Variants in ZNF90 observed in about 807,000 individuals in gnomAD.
ZNF90 encodes zinc finger protein 90, also known as zinc finger protein HTF9.
In ZNF90, 11 loss-of-function variants were observed where a neutral mutation model predicts 12.0. The observed-to-expected ratio is 0.92, with a 90% CI of 0.58 to 1.52. ZNF90 has a LOEUF of 1.52. ZNF90 is among the 40% of genes most tolerant of loss of function. The pLI, the probability that ZNF90 is intolerant of heterozygous loss-of-function variation, is 0.00. For missense variants in ZNF90, 765 were observed against 711.5 expected (o/e 1.08, Z -0.86); for synonymous variants, 232 against 240.1 (o/e 0.97, Z 0.31).
chr19:20,079,446 A>G (rs1429350108), intron 1 of ZNF90, among the ~76,000 whole-genome samples: 1 of 152,014 alleles, frequency 6.6e-6, no homozygotes, highest in Non-Finnish European at 1.5e-5. Flanking sequence ...AAAACGTTAG[A>G]TTTATGGAAA....
intron 1 of ZNF90, among the ~76,000 whole-genome samples, chr19:20,083,406 C>T (rs2088835753): frequency 6.6e-6 from 1 of 151,988 alleles, no homozygotes; most frequent in Non-Finnish European, 1.5e-5. Context: ...CGGCTCATTG[C>T]AACCTTTGAC....
At chr19:20,110,342 G>A (rs181408558) in intron 3 of ZNF90, among the ~76,000 whole-genome samples, 27 of 152,032 alleles carry the variant, frequency 1.8e-4, no homozygotes, top group African/African-American at 5.8e-4. Flanking sequence ...GCAGTGGTGT[G>A]ATCTTGGCTC....
At chr19:20,087,206 A>G (rs2088866176) in intron 1 of ZNF90, 1 of 152,188 alleles carries the variant, frequency 6.6e-6, no homozygotes, top group Non-Finnish European at 1.5e-5. Context: ...GATTTCTTTT[A>G]GGGGAATATT....
intron 1 of ZNF90, 114 bp downstream of exon 1, chr19:20,078,249 A>G (rs1260925975): frequency 3.6e-6 from 5 of 1,393,526 alleles, no homozygotes; most frequent in Non-Finnish European, 5.0e-6. Flanking sequence ...TCTGCGACCG[A>G]CTTCTCCTTG....
chr19:20,103,196 A>T (rs2089004084), intron 1 of ZNF90, among the ~76,000 whole-genome samples: 1 of 152,228 alleles, frequency 6.6e-6, no homozygotes, highest in Non-Finnish European at 1.5e-5. Context: ...AATCCAACAG[A>T]GAAACAGGTG....
rs1555704366 is a variant in ZNF90 at position 20,106,044 on chromosome 19, C to CATTTT, written c.226+728_226+729insATTTT. 1.1e-3 allele frequency among the ~76,000 whole-genome samples: 75 copies of CATTTT among 71,060 alleles called. 4 individuals are homozygous for CATTTT. Among genetic ancestry groups the CATTTT allele is most frequent in the African/African-American group, 3.3e-3 (63 of 18,808 alleles). The allele number at this position is 71,060 out of a possible 152,430, so 46.6% of individuals were successfully genotyped here. On this transcript the variant is annotated intron_variant, in intron 3 of 3. Coordinates refer to ENST00000418063, the MANE Select transcript of ZNF90 (RefSeq NM_007138.2). ...TTATTTGGAACTTCTCTAATTTTTT[C>CATTTT]TTTTTTTTTTTTTTTTTTTTTTTGG...
chr19:20,078,672 A>T (rs2088796469), intron 1 of ZNF90, among the ~76,000 whole-genome samples: 1 of 151,152 alleles, frequency 6.6e-6, no homozygotes, highest in Non-Finnish European at 1.5e-5. Flanking sequence ...GTTGTAAATC[A>T]CCCCTACCCC....
rs1181389117 is a variant in ZNF90, at chr19:20,108,721, G to A, written c.226+3405G>A. On this transcript the variant is annotated intron_variant, in intron 3 of 3. Transcript: ENST00000418063. ...TTCTATATTAGTGTGTTTCTTCAGT[G>A]TAGGTTTCTCTTTTTTTTTTTTTTT... is the stretch of plus-strand genomic sequence containing the variant. Among the ~76,000 whole-genome samples the A allele has an allele frequency of 3.6e-5, 5 of 139,244 alleles. No homozygotes were observed. The East Asian group carries it at 6.6e-4, about 18-fold the overall frequency. The allele number at this position is 139,244 out of a possible 152,430, so 91.3% of individuals were successfully genotyped here.
chr19:20,093,524 G>T (rs1555702953), intron 1 of ZNF90, among the ~76,000 whole-genome samples: 2 of 152,206 alleles, frequency 1.3e-5, no homozygotes, highest in Non-Finnish European at 2.9e-5. Flanking sequence ...GAGAAGGGCG[G>T]CAATGAGATG....
intron 3 of ZNF90, chr19:20,107,103 T>C (rs2089046268): frequency 2.3e-6 from 1 of 428,942 alleles, no homozygotes; most frequent in Non-Finnish European, 4.7e-6. Context: ...TGTGGGTTTC[T>C]ATGTGGGCAG....
chr19:20,107,340 C>A (rs538974364), intron 3 of ZNF90, among the ~76,000 whole-genome samples: 27 of 152,272 alleles, frequency 1.8e-4, no homozygotes, highest in African/African-American at 6.3e-4. Context: ...GGTAAATAAA[C>A]CCGATCCTGG....
At chr19:20,083,789 T>G (rs2088838896) in intron 1 of ZNF90, among the ~76,000 whole-genome samples, 1 of 152,222 alleles carries the variant, frequency 6.6e-6, no homozygotes, top group African/African-American at 2.4e-5. Context: ...TACTTATTGT[T>G]CAGGCTAGAG....
chr19:20,084,063 A>ATTTTCT (rs1196076195), intron 1 of ZNF90, among the ~76,000 whole-genome samples: 1 of 11,416 alleles, frequency 8.8e-5, no homozygotes. Flanking sequence ...ACCATACCAT[A>ATTTTCT]TTTTCTTTTT....
chr19:20,109,143 AT>A (rs1555704754), intron 3 of ZNF90, among the ~76,000 whole-genome samples: 1 of 152,192 alleles, frequency 6.6e-6, no homozygotes, highest in Non-Finnish European at 1.5e-5. Flanking sequence ...TAAGAGATAA[AT>A]TATGCATCTC....
At chr19:20,102,918 A>G (rs2089001203) in intron 1 of ZNF90, among the ~76,000 whole-genome samples, 1 of 152,204 alleles carries the variant, frequency 6.6e-6, no homozygotes, top group African/African-American at 2.4e-5. Context: ...AAATTACAGA[A>G]CATAGGAGTT....
chr19:20,097,704 T>C (rs1171945845), intron 1 of ZNF90, among the ~76,000 whole-genome samples: 1 of 152,178 alleles, frequency 6.6e-6, no homozygotes, highest in Non-Finnish European at 1.5e-5. Flanking sequence ...TGAATCCAGG[T>C]CTTGAGATTT....
chr19:20,086,835 T>C (rs1334259967), intron 1 of ZNF90, among the ~76,000 whole-genome samples: 1 of 152,240 alleles, frequency 6.6e-6, no homozygotes, highest in African/African-American at 2.4e-5. Flanking sequence ...CAATAGGGAT[T>C]ATTATGAGTA....
chr19:20,080,710 A>G (rs532510166), intron 1 of ZNF90, among the ~76,000 whole-genome samples: 41 of 152,274 alleles, frequency 2.7e-4, no homozygotes, highest in Non-Finnish European at 4.6e-4. Context: ...ATTTTCAAAC[A>G]ATAGGTGAGA....
chr19:20,086,494 C>CT (rs1555702076), intron 1 of ZNF90, among the ~76,000 whole-genome samples: 1 of 151,970 alleles, frequency 6.6e-6, no homozygotes, highest in Non-Finnish European at 1.5e-5. Flanking sequence ...CCTCAGCCTC[C>CT]TAAAGTGCTG....
Sources: allele counts gnomAD v4.1 joint callset (sites outside exome capture counted in the v4.1 genomes callset), GRCh38; gene constraint gnomAD v4.1.1; transcripts MANE v1.5; gene names NCBI Gene and HGNC (gene_info 2026-07-23, HGNC 2026-07-21).